The following NFKBIL1 variants were observed in gnomAD, a reference collection of about 807,000 sequenced individuals.
The protein encoded by NFKBIL1 is NF-kappa-B inhibitor-like protein 1.
A neutral mutation model predicts 45.4 loss-of-function variants in NFKBIL1; 30 were observed. The observed-to-expected ratio is 0.66, with a 90% confidence interval of 0.49 to 0.90. NFKBIL1 has a LOEUF of 0.90. Among genes scored for constraint, NFKBIL1 ranks in the 40% least tolerant of loss-of-function variants. The pLI is 0.00. For synonymous variants in NFKBIL1, 179 were observed against 197.3 expected (o/e 0.91, Z 0.78); for missense variants, 434 against 513.4 (o/e 0.85, Z 1.49).
chr6:31,549,763 G>T (rs1303172290), intron 2 of NFKBIL1, among the ~76,000 whole-genome samples: 1 of 152,056 alleles, frequency 6.6e-6, no homozygotes, highest in Non-Finnish European at 1.5e-5. Context: ...TCATGTGTTT[G>T]GTTCTTGGGC....
rs13220163 is a variant in NFKBIL1 at position 31,556,662 on chromosome 6, C to T, written c.335-966C>T. ...TTTCTCTCAGCCCATGGGTGAGACC[C>T]TCTGTCACACTCCACTCCCTTTCCC... is the stretch of plus-strand genomic sequence containing the variant. On this transcript the variant is annotated intron_variant, in intron 2 of 3. Transcript: ENST00000376148. 3.6e-3 allele frequency: 1,645 copies of T among 457,180 alleles called. 52 individuals carry two copies. Among genetic ancestry groups the T allele is most frequent in the South Asian group, 0.023 (1,473 of 64,562 alleles). 28.3% of individuals were successfully genotyped at this position (457,180 alleles called of 1,614,324 possible).
In NFKBIL1 at chr6:31,547,723, A is replaced by C. The variant is rs763974277; in HGVS notation, c.29A>C (p.Glu10Ala). Residue 10 changes from glutamate to alanine, a missense_variant, in exon 1 of 4, where the codon GAG becomes GCG. This residue lies in a region of NFKBIL1 where 231 missense variants were observed against 264.1 expected (regional missense o/e 0.87). Coordinates refer to ENST00000376148, the MANE Select transcript of NFKBIL1 (RefSeq NM_005007.4). Reference sequence around the variant, plus strand: ...AGTAACCCCTCCCCCCAGGTTCCAGAGGAAGAAGCCTCCACATCTGTCTGC... The same window carrying C: ...AGTAACCCCTCCCCCCAGGTTCCAGCGGAAGAAGCCTCCACATCTGTCTGC... Reference protein sequence around the residue: MSNPSPQVPEEEASTSVCRP... With the variant: MSNPSPQVPAEEASTSVCRP... The C allele has an allele frequency of 6.2e-7, 1 of 1,612,286 alleles. No individual in the cohort carries two copies.
chr6:31,548,440 G>A lies in NFKBIL1; in HGVS notation c.334+1G>A, dbSNP rs1769241342. 6.7e-7 allele frequency: 1 copy of A among 1,502,576 alleles called. No individual in the cohort carries two copies. Among genetic ancestry groups the A allele is most frequent in the Non-Finnish European group, 8.8e-7 (1 of 1,132,230 alleles). The allele number at this position is 1,502,576 out of a possible 1,614,324, so 93.1% of individuals were successfully genotyped here. A position where few individuals can be genotyped will look rare whatever the true frequency, so the allele number is the denominator to read the frequency against. On this transcript the variant is annotated splice_donor_variant, in intron 2 of 3. Transcript: ENST00000376148. LOFTEE classifies it high-confidence loss of function. ...GCTGCTGCCCGCCAGGGCCCAGATGGTGAGTCTGCTCAGTGGGGAACAAGG... is the reference window on the plus strand; with the variant it reads ...GCTGCTGCCCGCCAGGGCCCAGATGATGAGTCTGCTCAGTGGGGAACAAGG...
intron 2 of NFKBIL1, among the ~76,000 whole-genome samples, chr6:31,554,633 G>C (rs1454855048): frequency 6.6e-6 from 1 of 152,230 alleles, no homozygotes; most frequent in Non-Finnish European, 1.5e-5. Flanking sequence ...TATCCAACTG[G>C]CAAAATTAAA....
At chr6:31,549,188 A>G (rs1769292260) in intron 2 of NFKBIL1, among the ~76,000 whole-genome samples, 1 of 152,134 alleles carries the variant, frequency 6.6e-6, no homozygotes, top group African/African-American at 2.4e-5. Flanking sequence ...TAATTAGAGT[A>G]CCTGGCACAC....
Position 31,558,202 on chromosome 6 carries a change from T to G in NFKBIL1, c.737T>G (p.Phe246Cys). 6.2e-7 allele frequency: 1 copy of G among 1,604,180 alleles called. No individual in the cohort carries two copies. The highest frequency in any genetic ancestry group is 8.5e-7 in the Non-Finnish European group (1 of 1,176,150). Residue 246 changes from phenylalanine (F) to cysteine (C), a missense_variant, in exon 4 of 4, where the codon TTC becomes TGC. Phe to Cys is a radical substitution (Grantham distance 205). This residue lies in a region of NFKBIL1 where 128 missense variants were observed against 106.5 expected (regional missense o/e 1.20). Coordinates refer to ENST00000376148, the MANE Select transcript of NFKBIL1 (RefSeq NM_005007.4). This position sits in a 1 kb window ranked among gnomAD's most constrained non-coding sequence, Gnocchi z 7.2. ...WRQQEEEQRL[F>C]RERARAKEEE... ...CAGCAGGAGGAGGAGCAGCGGCTCT[T>G]CAGGGAGCGAGCCCGGGCCAAGGAG...
In NFKBIL1 at chr6:31,558,503, C is replaced by T; in HGVS notation, c.1038C>T (p.Phe346=). 4 of 1,555,982 alleles carry T rather than the reference C, an allele frequency of 2.6e-6. No individual in the cohort carries two copies. Among genetic ancestry groups the T allele is most frequent in the Non-Finnish European group, 3.5e-6 (4 of 1,149,582 alleles). ...AGGTCCGCTGGCACCCTGACCGCTT[C>T]CTGCAGCGATTCCGAAGCCAGATTG... The part of the protein sequence containing the change: ...VQQVRWHPDR[F]LQRFRSQIET... The change falls in exon 4 of 4, where the codon TTC becomes TTT. Residue 346 remains phenylalanine (F), a synonymous_variant. Transcript: ENST00000376148. This position sits in a 1 kb window ranked among gnomAD's most constrained non-coding sequence, Gnocchi z 7.2.
At chr6:31,547,012 C>T (rs1769064222), upstream of NFKBIL1, 2 of 170,266 alleles carry the variant, frequency 1.2e-5, no homozygotes, top group South Asian at 1.7e-4. Context: ...GGGAAAAGAG[C>T]ATTCTGGGCT....
At chr6:31,556,840 T>C in intron 2 of NFKBIL1, 1 of 441,252 alleles carries the variant, frequency 2.3e-6, no homozygotes, top group South Asian at 1.6e-5. Context: ...AGTTTATTGA[T>C]AAGTGATAAT....
chr6:31,558,143 C>T lies in NFKBIL1; in HGVS notation c.678C>T (p.Pro226=). 6.2e-7 allele frequency: 1 copy of T among 1,611,866 alleles called. No homozygotes were observed. Among genetic ancestry groups the T allele is most frequent in the Non-Finnish European group, 8.5e-7 (1 of 1,179,610 alleles). Residue 226 remains proline (P), a synonymous_variant, in exon 4 of 4, where the codon CCC becomes CCT. Transcript: ENST00000376148. The surrounding 1 kb of genome is among the most constrained non-coding windows in gnomAD (Gnocchi z 7.2). The part of the protein sequence containing the change: ...QQREAEGSRR[P]PRAEGSSQSW... ...GAGAAGCAGAGGGATCCCGTCGACC[C>T]CCACGTGCTGAGGGCTCCAGCCAGA...
At chr6:31,547,864 G>T in intron 1 of NFKBIL1, 113 bp downstream of exon 1, 2 of 961,258 alleles carry the variant, frequency 2.1e-6, no homozygotes, top group Non-Finnish European at 1.5e-6. Flanking sequence ...TTTTTTTAAA[G>T]TTCTTTGTTA....
In NFKBIL1 at chr6:31,558,360, G is replaced by C; in HGVS notation, c.895G>C (p.Asp299His). 1 of 1,550,880 alleles carries C rather than the reference G, an allele frequency of 6.4e-7. No homozygotes were observed. Among genetic ancestry groups the C allele is most frequent in the Non-Finnish European group, 8.7e-7 (1 of 1,145,130 alleles). The change falls in exon 4 of 4, where the codon GAT becomes CAT. Residue 299 changes from aspartate (D) to histidine (H), a missense_variant. Asp to His is a moderately conservative substitution (Grantham distance 81). Coordinates refer to ENST00000376148, the MANE Select transcript of NFKBIL1 (RefSeq NM_005007.4). The surrounding 1 kb of genome is among the most constrained non-coding windows in gnomAD (Gnocchi z 7.2). ...AGRGSLWRFG[D>H]VPWPCPGGGD... ...GAGGGGCAGCCTCTGGCGATTTGGT[G>C]ATGTGCCCTGGCCCTGCCCTGGGGG...
chr6:31,551,430 C>T (rs1769424009), intron 2 of NFKBIL1, among the ~76,000 whole-genome samples: 1 of 152,206 alleles, frequency 6.6e-6, no homozygotes, highest in African/African-American at 2.4e-5. Context: ...AATCTCACAG[C>T]TCTCAGGTCA....
intron 2 of NFKBIL1, among the ~76,000 whole-genome samples, chr6:31,555,886 T>C (rs1410220515): frequency 7.0e-6 from 1 of 142,978 alleles, no homozygotes; most frequent in Non-Finnish European, 1.5e-5. Context: ...ACTCCTGACC[T>C]TGTGATCCAT....
At chr6:31,549,459 A>G (rs1769306870) in intron 2 of NFKBIL1, among the ~76,000 whole-genome samples, 1 of 148,984 alleles carries the variant, frequency 6.7e-6, no homozygotes, top group Non-Finnish European at 1.5e-5. Flanking sequence ...GCCATGTTGG[A>G]CAAGCTGATC....
In NFKBIL1 at chr6:31,558,395, A is replaced by AGG; in HGVS notation, c.931_932insGG (p.Glu311GlyfsTer21). ...GGCCCTGCCCTGGGGGAGGGGACCC[A>AGG]GAGGCCATGGCTGCAGCCCTGGTGG... On this transcript the variant is annotated frameshift_variant, in exon 4 of 4. Coordinates refer to ENST00000376148, the MANE Select transcript of NFKBIL1 (RefSeq NM_005007.4). LOFTEE classifies it high-confidence loss of function. The surrounding 1 kb of genome is among the most constrained non-coding windows in gnomAD (Gnocchi z 7.2). 1 of 1,550,222 alleles carries AGG rather than the reference A, an allele frequency of 6.5e-7. No homozygotes were observed.
chr6:31,553,585 G>A (rs1193641938), intron 2 of NFKBIL1, among the ~76,000 whole-genome samples: 1 of 152,134 alleles, frequency 6.6e-6, no homozygotes, highest in Non-Finnish European at 1.5e-5. Context: ...CTACAAACAT[G>A]ACAGTACATT....
chr6:31,553,673 G>T (rs546136827), intron 2 of NFKBIL1, among the ~76,000 whole-genome samples: 1 of 151,902 alleles, frequency 6.6e-6, no homozygotes, highest in South Asian at 2.1e-4. Flanking sequence ...TTTCTTTTTT[G>T]TTGTTGTTGA....
intron 2 of NFKBIL1, among the ~76,000 whole-genome samples, chr6:31,554,427 A>G (rs535612161): frequency 2.0e-5 from 3 of 152,192 alleles, no homozygotes; most frequent in Admixed American, 1.3e-4. Flanking sequence ...AGAAAAAAAA[A>G]GCTTTTTTAA....
Sources: gnomAD v4.1 joint callset for allele counts (sites outside exome capture counted in the v4.1 genomes callset) on GRCh38, gnomAD v4.1.1 for gene constraint, gnomAD v4.1.1 regional missense constraint, Gnocchi (gnomAD v3.1) non-coding constraint, MANE v1.5 for transcripts, NCBI Gene and HGNC (gene_info 2026-07-23, HGNC 2026-07-21) for gene names.